Variants in VPS41 observed in about 807,000 individuals in gnomAD.
VPS41 encodes VPS41 subunit of HOPS complex.
Under a neutral mutation model 130.9 loss-of-function variants are expected in VPS41, and 85 were observed. That is an observed-to-expected ratio of 0.65 (90% confidence interval 0.55 to 0.78). The LOEUF is 0.78. Ranked by LOEUF, VPS41 falls within the 30% of genes least tolerant of loss-of-function variation. VPS41 has a pLI of 0.00. For missense variants in VPS41, 874 were observed against 1,018.7 expected (o/e 0.86, Z 1.93); for synonymous variants, 335 against 332.9 (o/e 1.01, Z -0.07).
At chr7:38,785,029 C>T (rs1784415550) in intron 10 of VPS41, among the ~76,000 whole-genome samples, 1 of 152,204 alleles carries the variant, frequency 6.6e-6, no homozygotes, top group African/African-American at 2.4e-5. Flanking sequence ...AGAACAATTA[C>T]CCTTCATTGT....
intron 14 of VPS41, 107 bp from the exon 15 acceptor site, chr7:38,767,705 G>T (rs747980410): frequency 1.6e-6 from 1 of 626,574 alleles, no homozygotes; most frequent in Non-Finnish European, 2.7e-6. Flanking sequence ...TAGCTCTACT[G>T]ACTATAACCT....
intron 22 of VPS41, among the ~76,000 whole-genome samples, chr7:38,748,814 C>G (rs907084175): frequency 4.6e-5 from 7 of 151,084 alleles, no homozygotes; most frequent in South Asian, 2.2e-4. Context: ...AATACAGAGC[C>G]TAAAATTAAG....
At chr7:38,756,332 C>T (rs1783793835) in intron 19 of VPS41, among the ~76,000 whole-genome samples, 1 of 151,616 alleles carries the variant, frequency 6.6e-6, no homozygotes, top group African/African-American at 2.4e-5. Context: ...TTAGGTTATT[C>T]AAATTTGTCA....
chr7:38,790,131 C>A (rs1197043814), intron 9 of VPS41, among the ~76,000 whole-genome samples: 1 of 152,166 alleles, frequency 6.6e-6, no homozygotes, highest in Non-Finnish European at 1.5e-5. Flanking sequence ...AAGTACTAAT[C>A]CAAGTACAAC....
intron 4 of VPS41, among the ~76,000 whole-genome samples, chr7:38,854,328 T>C (rs1366629527): frequency 6.6e-6 from 1 of 152,192 alleles, no homozygotes; most frequent in Non-Finnish European, 1.5e-5. Flanking sequence ...ACAGATGGTA[T>C]TTGCTTCAGG....
intron 5 of VPS41, among the ~76,000 whole-genome samples, chr7:38,824,209 C>T (rs1785227726): frequency 6.6e-6 from 1 of 152,196 alleles, no homozygotes; most frequent in Admixed American, 6.5e-5. Flanking sequence ...TGTGCTAAAT[C>T]TCATACTACT....
chr7:38,792,744 A>C (rs188061899), intron 9 of VPS41, among the ~76,000 whole-genome samples: 1 of 151,884 alleles, frequency 6.6e-6, no homozygotes, highest in Non-Finnish European at 1.5e-5. Flanking sequence ...CTGGCTTCCT[A>C]CCTCAGTCAA....
chr7:38,785,084 A>C (rs1225865434), intron 10 of VPS41, among the ~76,000 whole-genome samples: 2 of 152,230 alleles, frequency 1.3e-5, no homozygotes, highest in African/African-American at 4.8e-5. Flanking sequence ...TTTATGATAG[A>C]TAGTGTCTTA....
At chr7:38,798,497 T>A (rs1784663423) in intron 7 of VPS41, among the ~76,000 whole-genome samples, 1 of 152,156 alleles carries the variant, frequency 6.6e-6, no homozygotes, top group South Asian at 2.1e-4. Flanking sequence ...TTCACCATGT[T>A]GGCCAGACTG....
At chr7:38,907,003 G>C (rs765264531) in intron 1 of VPS41, among the ~76,000 whole-genome samples, 9 of 151,862 alleles carry the variant, frequency 5.9e-5, no homozygotes, top group Non-Finnish European at 1.3e-4. Context: ...TCTAGGTATT[G>C]GACATACAGC....
At chr7:38,862,087 G>C (rs763739112) in intron 4 of VPS41, among the ~76,000 whole-genome samples, 7 of 152,124 alleles carry the variant, frequency 4.6e-5, no homozygotes, top group Non-Finnish European at 8.8e-5. Context: ...CATACTTTAA[G>C]GATTCCACAA....
At chr7:38,812,998 G>A (rs1784974736) in intron 7 of VPS41, among the ~76,000 whole-genome samples, 1 of 152,152 alleles carries the variant, frequency 6.6e-6, no homozygotes, top group Non-Finnish European at 1.5e-5. Flanking sequence ...GTCCAACATA[G>A]AGTTACTATA....
Position 38,783,166 on chromosome 7 carries a change from C to G in VPS41, c.785-6390G>C, listed in dbSNP as rs117557929. Among the ~76,000 whole-genome samples the G allele has an allele frequency of 9.2e-5, 14 of 152,162 alleles. No individual in the cohort carries two copies. The East Asian group carries it at 2.7e-3, about 29-fold the overall frequency. The stretch of plus-strand genomic sequence containing the variant: ...AAAGAGTAACTGAGTATCAATTACA[C>G]GAGACAGTCTTCTAGATGCATCAAG... On this transcript the variant is annotated intron_variant, in intron 10 of 28. Coordinates refer to ENST00000310301, the MANE Select transcript of VPS41 (RefSeq NM_014396.4).
chr7:38,726,684 A>G (rs1795551465), intron 28 of VPS41, among the ~76,000 whole-genome samples: 1 of 152,236 alleles, frequency 6.6e-6, no homozygotes, highest in African/African-American at 2.4e-5. Context: ...GGCCTGAATG[A>G]ATTCCTTCAA....
At chr7:38,905,060 C>T (rs993063208) in intron 1 of VPS41, among the ~76,000 whole-genome samples, 8 of 152,128 alleles carry the variant, frequency 5.3e-5, no homozygotes, top group Admixed American at 2.6e-4. Flanking sequence ...AATAATTTCA[C>T]GCAAATCCTA....
intron 7 of VPS41, among the ~76,000 whole-genome samples, chr7:38,813,216 C>T (rs62444139): frequency 0.032 from 4,825 of 152,138 alleles, 138 homozygotes; most frequent in Non-Finnish European, 0.046. Context: ...CGGATACATG[C>T]CACAACATTG....
intron 14 of VPS41, among the ~76,000 whole-genome samples, chr7:38,768,105 C>G (rs1784083103): frequency 6.6e-6 from 1 of 152,142 alleles, no homozygotes; most frequent in African/African-American, 2.4e-5. Context: ...ACCTGTGATT[C>G]AAACCCATCA....
intron 9 of VPS41, among the ~76,000 whole-genome samples, chr7:38,795,089 G>A (rs988941431): frequency 1.3e-5 from 2 of 152,066 alleles, no homozygotes; most frequent in African/African-American, 4.8e-5. Flanking sequence ...TAATGAAGAA[G>A]TGAAGGGTCA....
At chr7:38,883,383 A>C (rs1190857559) in intron 2 of VPS41, among the ~76,000 whole-genome samples, 1 of 152,184 alleles carries the variant, frequency 6.6e-6, no homozygotes, top group Non-Finnish European at 1.5e-5. Flanking sequence ...GACATCCAGC[A>C]TGACCCTACC....
Sources: allele counts gnomAD v4.1 joint callset (sites outside exome capture counted in the v4.1 genomes callset), GRCh38; gene constraint gnomAD v4.1.1; transcripts MANE v1.5; gene names NCBI Gene and HGNC (gene_info 2026-07-23, HGNC 2026-07-21).